Variants in ADIG observed in about 807,000 individuals in gnomAD.
ADIG encodes the protein adipogenesis associated.
ADIG carries 12 observed loss-of-function variants against 10.7 expected under a neutral mutation model. The ratio of observed to expected loss-of-function variants is 1.12; its 90% CI spans 0.72 to 1.82. The LOEUF (loss-of-function observed/expected upper bound fraction) is 1.82. Ranked by LOEUF, ADIG falls within the 40% of genes most tolerant of loss-of-function variation. The pLI is 0.00. For synonymous variants in ADIG, 32 were observed against 35.6 expected (o/e 0.90, Z 0.36); for missense variants, 72 against 92.5 (o/e 0.78, Z 0.91).
intron 1 of ADIG, chr20:38,585,547 G>A (rs892634365): frequency 2.6e-6 from 4 of 1,549,342 alleles, no homozygotes; most frequent in Admixed American, 2.0e-5. Context: ...CCACAGCTTA[G>A]TCACCCAGAT....
rs1184920367 is a variant in ADIG, at chr20:38,588,420, G to T, written c.*334G>T. The stretch of plus-strand genomic sequence containing the variant: ...CCGGAGGGTGTGGGTCCATATTAAA[G>T]AAGCAAGGGTCTTCCCATACCCGGG... On this transcript the variant is annotated 3_prime_UTR_variant, in exon 3 of 3. Transcript: ENST00000537425. 2 of 1,220,886 alleles carry T rather than the reference G, an allele frequency of 1.6e-6. No homozygotes were observed. Among genetic ancestry groups the T allele is most frequent in the African/African-American group, 1.6e-5 (1 of 63,070 alleles). 75.6% of individuals were successfully genotyped at this position (1,220,886 alleles called of 1,614,324 possible). A position where few individuals can be genotyped will look rare whatever the true frequency, so the allele number is the denominator to read the frequency against.
chr20:38,585,709 T>C lies in ADIG; in HGVS notation c.125-320T>C, dbSNP rs376271443. 28 of 659,852 alleles carry C rather than the reference T, an allele frequency of 4.2e-5. No individual in the cohort carries two copies. In the Middle Eastern group the frequency reaches 1.6e-3, roughly 39 times the overall value. The allele number at this position is 659,852 out of a possible 1,614,324, so 40.9% of individuals were successfully genotyped here. A position where few individuals can be genotyped will look rare whatever the true frequency, so the allele number is the denominator to read the frequency against. Reference sequence around the variant, plus strand: ...TGAACTAGTGGACTAGTGGCCTGGATGGGTCAATAACTGTGTCTCTTCACT... The same window carrying C: ...TGAACTAGTGGACTAGTGGCCTGGACGGGTCAATAACTGTGTCTCTTCACT... On this transcript the variant is annotated intron_variant, in intron 1 of 2. Transcript: ENST00000537425.
chr20:38,586,679 A>G (rs1390366496), intron 2 of ADIG, among the ~76,000 whole-genome samples: 6 of 152,306 alleles, frequency 3.9e-5, no homozygotes, highest in East Asian at 1.9e-4. Flanking sequence ...TGCCAGACAC[A>G]TGCTAGAGGC....
At chr20:38,585,454 A>G in intron 1 of ADIG, 1 of 1,550,582 alleles carries the variant, frequency 6.4e-7, no homozygotes. Context: ...AAGTCAGAAG[A>G]TACAGATATG....
At chr20:38,587,477 GGT>G (rs1420774462) in intron 2 of ADIG, among the ~76,000 whole-genome samples, 1 of 152,144 alleles carries the variant, frequency 6.6e-6, no homozygotes, top group African/African-American at 2.4e-5. Flanking sequence ...CAGCTCCACA[GGT>G]GTGTAACCTG....
At chr20:38,587,448 A>G (rs914199589) in intron 2 of ADIG, among the ~76,000 whole-genome samples, 17 of 152,146 alleles carry the variant, frequency 1.1e-4, no homozygotes, top group African/African-American at 3.6e-4. Flanking sequence ...GAATGCCCTC[A>G]GAGATTTGTG....
At chr20:38,585,366 G>A in intron 1 of ADIG, 1 of 1,521,700 alleles carries the variant, frequency 6.6e-7, no homozygotes, top group Non-Finnish European at 8.9e-7. Context: ...TTGGGGAATG[G>A]TGCAGCATTT....
chr20:38,584,783 CT>C (rs749025163), intron 1 of ADIG, among the ~76,000 whole-genome samples: 240 of 146,742 alleles, frequency 1.6e-3, no homozygotes, highest in Middle Eastern at 7.0e-3. Context: ...ATCCTACTGA[CT>C]TTTTTTTTTT....
intron 1 of ADIG, among the ~76,000 whole-genome samples, chr20:38,583,528 C>G (rs1010547823): frequency 2.0e-5 from 3 of 152,226 alleles, no homozygotes; most frequent in Non-Finnish European, 4.4e-5. Context: ...CGCATACACA[C>G]CTGGCACATC....
At chr20:38,583,402 G>C (rs73905647) in intron 1 of ADIG, among the ~76,000 whole-genome samples, 1,618 of 152,250 alleles carry the variant, frequency 0.011, 21 homozygotes, top group African/African-American at 0.037. Flanking sequence ...ACACCTCTCT[G>C]AGCCTTGCTT....
chr20:38,588,019 T>C, intron 2 of ADIG, 82 bp from the exon 3 acceptor site: 1 of 1,219,420 alleles, frequency 8.2e-7, no homozygotes, highest in Non-Finnish European at 1.1e-6. Flanking sequence ...ATTACAGGCA[T>C]GAACCACCAC....
At chr20:38,585,662 T>C in intron 1 of ADIG, 1 of 891,386 alleles carries the variant, frequency 1.1e-6, no homozygotes. Flanking sequence ...TGTGCCTTTG[T>C]ACTCAGATGT....
At chr20:38,587,493 T>C (rs2088647465) in intron 2 of ADIG, among the ~76,000 whole-genome samples, 1 of 152,170 alleles carries the variant, frequency 6.6e-6, no homozygotes, top group Non-Finnish European at 1.5e-5. Context: ...TAACCTGCAG[T>C]CCCACAAGGT....
rs1421627214 is a variant in ADIG, at chr20:38,588,090, T to A, written c.*15-11T>A. The A allele has an allele frequency of 7.7e-7, 1 of 1,293,054 alleles. No individual in the cohort carries two copies. Among genetic ancestry groups the A allele is most frequent in the African/African-American group, 1.5e-5 (1 of 65,342 alleles). The allele number at this position is 1,293,054 out of a possible 1,614,324, so 80.1% of individuals were successfully genotyped here. Reference sequence around the variant, plus strand: ...TGGCATCCCTAGTCCCAACCTTCCTTTTGTTTCTAGTTTGGTTTTCCTGGA... The same window carrying A: ...TGGCATCCCTAGTCCCAACCTTCCTATTGTTTCTAGTTTGGTTTTCCTGGA... On this transcript the variant is annotated splice_polypyrimidine_tract_variant and intron_variant, in intron 2 of 2. Coordinates refer to ENST00000537425, the MANE Select transcript of ADIG (RefSeq NM_001393816.1).
intron 2 of ADIG, among the ~76,000 whole-genome samples, chr20:38,587,301 C>A (rs1204729151): frequency 6.7e-6 from 1 of 148,838 alleles, no homozygotes; most frequent in Non-Finnish European, 1.5e-5. Context: ...GTTCACTAGC[C>A]CCCGACCCTG....
In ADIG at chr20:38,581,291, TTTC is replaced by T. The variant is rs1358662461; in HGVS notation, c.44_46del (p.Ser15del). The T allele has an allele frequency of 2.2e-5, 36 of 1,613,810 alleles. No individual in the cohort carries two copies. The highest frequency in any genetic ancestry group is 2.5e-5 in the Non-Finnish European group (30 of 1,179,884). On this transcript the variant is annotated inframe_deletion, in exon 1 of 3. Transcript: ENST00000537425. Reference sequence around the variant, plus strand: ...ATGCCGCTGGTGAACGACCTCACATTTTCTTTCCTGGTTTTCTGGTTCTGCCTC... The same window carrying T: ...ATGCCGCTGGTGAACGACCTCACATTTTTCCTGGTTTTCTGGTTCTGCCTC...
At chr20:38,583,256 A>C (rs2088604252) in intron 1 of ADIG, among the ~76,000 whole-genome samples, 2 of 152,342 alleles carry the variant, frequency 1.3e-5, no homozygotes, top group East Asian at 1.9e-4. Context: ...ATACTTAATA[A>C]TATCACAATT....
At chr20:38,587,761 G>T (rs1377709285) in intron 2 of ADIG, among the ~76,000 whole-genome samples, 3 of 143,908 alleles carry the variant, frequency 2.1e-5, no homozygotes, top group African/African-American at 7.8e-5. Flanking sequence ...TTTTTGAGAC[G>T]GAGTCTTTCT....
At position 38,588,121 on chromosome 20, in the gene ADIG, C is replaced by T. The variant is rs867215598; in HGVS notation, c.*35C>T. The T allele has an allele frequency of 5.9e-5, 77 of 1,303,520 alleles. No individual in the cohort carries two copies. Among genetic ancestry groups the T allele is most frequent in the Non-Finnish European group, 7.4e-5 (73 of 988,196 alleles). 80.7% of individuals were successfully genotyped at this position (1,303,520 alleles called of 1,614,324 possible). A position where few individuals can be genotyped will look rare whatever the true frequency, so the allele number is the denominator to read the frequency against. Reference sequence around the variant, plus strand: ...TCTAGTTTGGTTTTCCTGGAGTCAGCAGGGCAGTGGCAATGGCAGAAGTGG... The same window carrying T: ...TCTAGTTTGGTTTTCCTGGAGTCAGTAGGGCAGTGGCAATGGCAGAAGTGG... On this transcript the variant is annotated 3_prime_UTR_variant, in exon 3 of 3. Coordinates refer to ENST00000537425, the MANE Select transcript of ADIG (RefSeq NM_001393816.1).
Sources: gnomAD v4.1 joint callset for allele counts (sites outside exome capture counted in the v4.1 genomes callset) on GRCh38, gnomAD v4.1.1 for gene constraint, MANE v1.5 for transcripts, NCBI Gene and HGNC (gene_info 2026-07-23, HGNC 2026-07-21) for gene names.